The following RPL8 variants were observed in gnomAD, a reference collection of about 807,000 sequenced individuals.
The protein encoded by RPL8 is ribosomal protein L8, also known as large ribosomal subunit protein uL2.
For synonymous variants in RPL8, 182 were observed against 143.2 expected, an observed-to-expected ratio of 1.27 and a Z score of -1.94; for missense variants, 248 against 365.9, an observed-to-expected ratio of 0.68 and a Z score of 2.63.
Position 144,792,079 on chromosome 8 carries a change from G to T in RPL8, c.51C>A (p.Arg17=). 2 of 1,604,414 alleles carry T rather than the reference G, an allele frequency of 1.2e-6. No homozygotes were observed. ...CGCCTTTACGGTGCTTCACGTGCGC[G>T]CGGAACACAGACCCGGCGCCCTTCC... ...GQRKGAGSVF[R]AHVKHRKGAA... The change falls in exon 1 of 5, where the codon CGC becomes CGA. Residue 17 remains arginine (R), a synonymous_variant. Coordinates refer to ENST00000528957, the MANE Select transcript of RPL8 (RefSeq NM_001317782.2).
At chr8:144,791,163 T>A in intron 3 of RPL8, 114 bp downstream of exon 3, 1 of 1,065,080 alleles carries the variant, frequency 9.4e-7, no homozygotes, top group South Asian at 1.5e-5. Context: ...AACCCAAGTT[T>A]TAGAACAACA....
chr8:144,790,336 G>C lies in RPL8; in HGVS notation c.615+19C>G. Reference sequence around the variant, plus strand: ...CACTGTAACTTCAATACCCAACCCTGCATTTCTGGGTTACTTACATTCATG... The same window carrying C: ...CACTGTAACTTCAATACCCAACCCTCCATTTCTGGGTTACTTACATTCATG... On this transcript the variant is annotated intron_variant, in intron 4 of 4. Coordinates refer to ENST00000528957, the MANE Select transcript of RPL8 (RefSeq NM_001317782.2). 1 of 1,598,426 alleles carries C rather than the reference G, an allele frequency of 6.3e-7. No homozygotes were observed. The highest frequency in any genetic ancestry group is 8.6e-7 in the Non-Finnish European group (1 of 1,166,056).
chr8:144,790,328 C>T (rs773313398), intron 4 of RPL8, 27 bp downstream of exon 4: 24 of 1,577,808 alleles, frequency 1.5e-5, no homozygotes, highest in South Asian at 3.3e-5. Flanking sequence ...ACTTCAATAC[C>T]CAACCCTGCA....
chr8:144,790,364 C>T lies in RPL8; in HGVS notation c.606G>A (p.Val202=), dbSNP rs1060859. 23,010 of 1,613,706 alleles carry T rather than the reference C, an allele frequency of 0.014. 2,736 individuals carry two copies. The African/African-American group carries it at 0.26, about 18-fold the overall frequency. ...KRNCWPRVRG[V]AMNPVEHPFG... ...TTTCTGGGTTACTTACATTCATGGC[C>T]ACACCCCGTACTCGTGGCCAGCAGT... Residue 202 remains valine, a synonymous_variant, in exon 4 of 5, where the codon GTG becomes GTA. Transcript: ENST00000528957.
chr8:144,791,946 C>A, intron 1 of RPL8, 32 bp from the exon 2 acceptor site: 1 of 1,610,298 alleles, frequency 6.2e-7, no homozygotes, highest in Non-Finnish European at 8.5e-7. Flanking sequence ...GTGCGGCGTT[C>A]CGGCCGGGCG....
intron 3 of RPL8, 45 bp from the exon 4 acceptor site, chr8:144,790,515 C>A (rs1826467686): frequency 2.8e-6 from 4 of 1,414,134 alleles, no homozygotes; most frequent in South Asian, 1.1e-5. Flanking sequence ...TCGGTCAGAG[C>A]ACCCCCACCT....
intron 3 of RPL8, chr8:144,790,945 G>A (rs999037815): frequency 8.7e-6 from 4 of 461,848 alleles, no homozygotes; most frequent in East Asian, 4.7e-5. Flanking sequence ...GCGTCTTTGA[G>A]AAAGCCACAA....
At chr8:144,790,076 G>T (rs1826445142) in intron 4 of RPL8, 114 bp from the exon 5 acceptor site, 1 of 1,277,868 alleles carries the variant, frequency 7.8e-7, no homozygotes, top group Non-Finnish European at 1.1e-6. Context: ...CACAGCATGT[G>T]CCGCTAGACA....
chr8:144,791,920 G>T lies in RPL8; in HGVS notation c.139-6C>A. On this transcript the variant is annotated splice_region_variant and splice_polypyrimidine_tract_variant and intron_variant, in intron 1 of 4. Coordinates refer to ENST00000528957, the MANE Select transcript of RPL8 (RefSeq NM_001317782.2). ...CCCGGGTCGTGGATGATGTCCTGTGGGCAGAGGCGGCGTGAGTGCGGCGTT... is the reference window on the plus strand; with the variant it reads ...CCCGGGTCGTGGATGATGTCCTGTGTGCAGAGGCGGCGTGAGTGCGGCGTT... The T allele has an allele frequency of 1.2e-6, 2 of 1,612,470 alleles. No homozygotes were observed. Among genetic ancestry groups the T allele is most frequent in the Non-Finnish European group, 1.7e-6 (2 of 1,179,528 alleles).
At position 144,792,140 on chromosome 8, in the gene RPL8, C is replaced by A. The variant is rs747305668; in HGVS notation, c.-11G>T. The A allele has an allele frequency of 2.7e-6, 4 of 1,493,202 alleles. No individual in the cohort carries two copies. Among genetic ancestry groups the A allele is most frequent in the Non-Finnish European group, 3.5e-6 (4 of 1,128,156 alleles). The allele number at this position is 1,493,202 out of a possible 1,614,324, so 92.5% of individuals were successfully genotyped here. ...GATCACACGGCCCATGGCGACGGGTCCTGGGGGCGACTCACGATTAGCGCG... is the reference window on the plus strand; with the variant it reads ...GATCACACGGCCCATGGCGACGGGTACTGGGGGCGACTCACGATTAGCGCG... On this transcript the variant is annotated 5_prime_UTR_variant, in exon 1 of 5. Coordinates refer to ENST00000528957, the MANE Select transcript of RPL8 (RefSeq NM_001317782.2).
At position 144,792,360 on chromosome 8, in the gene RPL8, A is replaced by C; in HGVS notation, c.-231T>G. On this transcript the variant is annotated 5_prime_UTR_variant, in exon 1 of 5. Coordinates refer to ENST00000528957, the MANE Select transcript of RPL8 (RefSeq NM_001317782.2). ...CCCATGCCGCAAGGCCGCAAGGATG[A>C]CCTACCTGTTCACCAGCGCGGCCGA... 1.5e-6 allele frequency: 1 copy of C among 680,990 alleles called. No individual in the cohort carries two copies. The highest frequency in any genetic ancestry group is 2.1e-6 in the Non-Finnish European group (1 of 475,096). 42.2% of individuals were successfully genotyped at this position (680,990 alleles called of 1,614,324 possible). A position where few individuals can be genotyped will look rare whatever the true frequency, so the allele number is the denominator to read the frequency against.
At position 144,791,124 on chromosome 8, in the gene RPL8, G is replaced by T. The variant is rs553279223; in HGVS notation, c.499+153C>A. The T allele has an allele frequency of 8.9e-5, 61 of 684,482 alleles. No individual in the cohort carries two copies. The African/African-American group carries it at 9.5e-4, about 11-fold the overall frequency. The allele number at this position is 684,482 out of a possible 1,614,324, so 42.4% of individuals were successfully genotyped here. On this transcript the variant is annotated intron_variant, in intron 3 of 4. Coordinates refer to ENST00000528957, the MANE Select transcript of RPL8 (RefSeq NM_001317782.2). Reference sequence around the variant, plus strand: ...TGCCTGTTGTACAGTGATGACAACTGAGACTACAGGATGAGCTCAAACTTA... The same window carrying T: ...TGCCTGTTGTACAGTGATGACAACTTAGACTACAGGATGAGCTCAAACTTA...
intron 2 of RPL8, 92 bp downstream of exon 2, chr8:144,791,681 C>T (rs1586751680): frequency 1.3e-6 from 2 of 1,580,350 alleles, no homozygotes; most frequent in Non-Finnish European, 1.7e-6. Flanking sequence ...CTTCTGCCTG[C>T]GAGGTTCCCA....
In RPL8 at chr8:144,792,295, T is replaced by A. The variant is rs1826565749; in HGVS notation, c.-166A>T. 9.6e-7 allele frequency: 1 copy of A among 1,038,262 alleles called. No homozygotes were observed. The highest frequency in any genetic ancestry group is 1.3e-6 in the Non-Finnish European group (1 of 781,794). 64.3% of individuals were successfully genotyped at this position (1,038,262 alleles called of 1,614,324 possible). On this transcript the variant is annotated 5_prime_UTR_variant, in exon 1 of 5. Coordinates refer to ENST00000528957, the MANE Select transcript of RPL8 (RefSeq NM_001317782.2). ...ATCCTCTCAGGAGGGCCGGTCCGGG[T>A]CTCAGCGCGCCTCACGGAAGAGGAT...
rs111990102 is a variant in RPL8 at position 144,790,016 on chromosome 8, C to T, written c.616-54G>A. On this transcript the variant is annotated intron_variant, in intron 4 of 4. Coordinates refer to ENST00000528957, the MANE Select transcript of RPL8 (RefSeq NM_001317782.2). Reference sequence around the variant, plus strand: ...ACCTCTTCCCCACCACCCCCGCCCCCGGCCTCGGGGTCCCACCCGTCAGGG... The same window carrying T: ...ACCTCTTCCCCACCACCCCCGCCCCTGGCCTCGGGGTCCCACCCGTCAGGG... 22,245 of 1,538,154 alleles carry T rather than the reference C, an allele frequency of 0.014. 2,654 individuals carry two copies. In the African/African-American group the frequency reaches 0.26, roughly 18 times the overall value.
Position 144,792,238 on chromosome 8 carries a change from T to C in RPL8, c.-109A>G. 4 of 1,346,474 alleles carry C rather than the reference T, an allele frequency of 3.0e-6. No individual in the cohort carries two copies. Among genetic ancestry groups the C allele is most frequent in the Non-Finnish European group, 3.8e-6 (4 of 1,049,738 alleles). The allele number at this position is 1,346,474 out of a possible 1,614,324, so 83.4% of individuals were successfully genotyped here. ...CCCCCGAGGCCGCCGCGCCCACCAC[T>C]CCCTACCCTCTCCGCGGGCGCCCGC... On this transcript the variant is annotated 5_prime_UTR_variant, in exon 1 of 5. Transcript: ENST00000528957.
intron 2 of RPL8, 33 bp from the exon 3 acceptor site, chr8:144,791,528 C>A (rs1563800730): frequency 1.2e-6 from 2 of 1,604,614 alleles, no homozygotes; most frequent in East Asian, 4.5e-5. Flanking sequence ...GCCGTCAGCA[C>A]AGTAAGAAAC....
intron 3 of RPL8, 67 bp from the exon 4 acceptor site, chr8:144,790,537 C>T (rs1826468876): frequency 1.7e-6 from 2 of 1,200,400 alleles, no homozygotes; most frequent in Non-Finnish European, 2.5e-6. Flanking sequence ...CCCTCAATCT[C>T]CTGTCATGCA....
rs992935620 is a variant in RPL8, at chr8:144,791,418, G to C, written c.358C>G (p.Pro120Ala). The C allele has an allele frequency of 2.5e-6, 4 of 1,613,950 alleles. No individual in the cohort carries two copies. Among genetic ancestry groups the C allele is most frequent in the Non-Finnish European group, 3.4e-6 (4 of 1,180,026 alleles). Residue 120 changes from proline (P) to alanine (A), a missense_variant, in exon 3 of 5, where the codon CCT becomes GCT. Transcript: ENST00000528957. ...GTIVCCLEEKPGDRGKLARAS... is the reference protein window; with the variant it reads ...GTIVCCLEEKAGDRGKLARAS... ...CGGGCCAGCTTGCCACGGTCTCCAG[G>C]CTTCTCCTCCAGGCAGCACACGATT... is the stretch of plus-strand genomic sequence containing the variant.
Sources: allele counts gnomAD v4.1 joint callset, GRCh38; gene constraint gnomAD v4.1.1; transcripts MANE v1.5; gene names NCBI Gene and HGNC (gene_info 2026-07-23, HGNC 2026-07-21).